Variants in PHACTR2 observed in about 807,000 individuals in gnomAD.
PHACTR2 encodes phosphatase and actin regulator 2.
A neutral mutation model predicts 76.0 loss-of-function variants in PHACTR2; 30 were observed. The ratio of observed to expected loss-of-function variants is 0.39; its 90% CI spans 0.30 to 0.54. The LOEUF is 0.54. Ranked by LOEUF, PHACTR2 falls within the 20% of genes least tolerant of loss-of-function variation. The probability of loss-of-function intolerance (pLI) is 0.61; values close to 1 mark genes in which losing one functional copy is unlikely to be tolerated. For missense variants in PHACTR2, 696 were observed against 781.1 expected, an observed-to-expected ratio of 0.89 and a Z score of 1.30; for synonymous variants, 292 against 292.5, an observed-to-expected ratio of 1.00 and a Z score of 0.02.
chr6:143,637,399 C>A (rs1776477637), intron 1 of PHACTR2, among the ~76,000 whole-genome samples: 1 of 152,102 alleles, frequency 6.6e-6, no homozygotes, highest in African/African-American at 2.4e-5. Flanking sequence ...GGAAACGTAA[C>A]AATGATATTT....
chr6:143,676,322 T>C (rs1777244005), upstream of PHACTR2, among the ~76,000 whole-genome samples: 1 of 152,226 alleles, frequency 6.6e-6, no homozygotes, highest in African/African-American at 2.4e-5. The surrounding 1 kb of genome is among the most constrained non-coding windows in gnomAD (Gnocchi z 4.8). Context: ...TAAGAATTTA[T>C]AGAAGTAATA....
chr6:143,599,269 C>T lies in PHACTR2; in HGVS notation c.217+62062C>T, dbSNP rs144864930. ...AACTACTAGATGGCAAGTGTACTTT[C>T]GTAGGAGAAAACTAAACTTTCATTA... is the stretch of plus-strand genomic sequence containing the variant. On this transcript the variant is annotated intron_variant, in intron 1 of 11. Transcript: ENST00000367584. The surrounding 1 kb of genome is among the most constrained non-coding windows in gnomAD (Gnocchi z 4.6). 4.5e-3 allele frequency among the ~76,000 whole-genome samples: 682 copies of T among 152,220 alleles called. 8 individuals are homozygous for T. Among genetic ancestry groups the T allele is most frequent in the African/African-American group, 0.016 (644 of 41,532 alleles).
At chr6:143,673,843 C>G (rs1777197436), upstream of PHACTR2, among the ~76,000 whole-genome samples, 1 of 151,730 alleles carries the variant, frequency 6.6e-6, no homozygotes, top group Non-Finnish European at 1.5e-5. Flanking sequence ...GAGGCAGAGG[C>G]AAGGTATTTT....
Position 143,563,360 on chromosome 6 carries a change from C to T in PHACTR2, c.217+26153C>T, listed in dbSNP as rs543636783. ...TGGGTGGATCACGAGGTCAGCAGAT[C>T]GAGACCATCCTTGCGAACATGGTGA... On this transcript the variant is annotated intron_variant, in intron 1 of 11. Coordinates refer to the PHACTR2 transcript ENST00000367584. 4.0e-5 allele frequency among the ~76,000 whole-genome samples: 6 copies of T among 150,754 alleles called. No homozygotes were observed. The East Asian group carries it at 9.8e-4, about 25-fold the overall frequency.
rs1331003605 is a variant in PHACTR2 at position 143,750,970 on chromosome 6, A to C, written c.295+1905A>C. 1.3e-5 allele frequency among the ~76,000 whole-genome samples: 2 copies of C among 152,170 alleles called. No individual in the cohort carries two copies. Among genetic ancestry groups the C allele is most frequent in the African/African-American group, 4.8e-5 (2 of 41,444 alleles). On this transcript the variant is annotated intron_variant, in intron 3 of 12. Transcript: ENST00000440869. This position sits in a 1 kb window ranked among gnomAD's most constrained non-coding sequence, Gnocchi z 4.6. ...AAGGTTCCTGAGGATGTCAGTAGTA[A>C]ATGGAGTCCTTCCCCTTTTCAGCTG...
At chr6:143,572,615 C>T (rs1038965456) in intron 1 of PHACTR2, among the ~76,000 whole-genome samples, 8 of 152,140 alleles carry the variant, frequency 5.3e-5, no homozygotes, top group Non-Finnish European at 7.3e-5. Flanking sequence ...TGCAGTGGCA[C>T]GATCTAGGCT....
At chr6:143,778,560 A>G (rs1254005943) in intron 9 of PHACTR2, among the ~76,000 whole-genome samples, 1 of 152,128 alleles carries the variant, frequency 6.6e-6, no homozygotes, top group African/African-American at 2.4e-5. Context: ...TGGAGGAGGA[A>G]AAATTCACGG....
In PHACTR2 at chr6:143,764,557, G is replaced by A; in HGVS notation, c.695-704G>A. ...AAAAAAGGAGCAACCCATGTAAATA[G>A]GTTTTGTAAACAACAAGTTTTTTTC... is the stretch of plus-strand genomic sequence containing the variant. On this transcript the variant is annotated intron_variant, in intron 5 of 12. Transcript: ENST00000440869. This position sits in a 1 kb window ranked among gnomAD's most constrained non-coding sequence, Gnocchi z 4.7. Among the ~76,000 whole-genome samples, 1 of 150,960 alleles carries A rather than the reference G, an allele frequency of 6.6e-6. No individual in the cohort carries two copies. Among genetic ancestry groups the A allele is most frequent in the Non-Finnish European group, 1.5e-5 (1 of 67,810 alleles).
Position 143,739,665 on chromosome 6 carries a change from G to A in PHACTR2, c.215-9320G>A, listed in dbSNP as rs977842589. 2.0e-5 allele frequency among the ~76,000 whole-genome samples: 3 copies of A among 152,144 alleles called. No homozygotes were observed. Among genetic ancestry groups the A allele is most frequent in the African/African-American group, 4.8e-5 (2 of 41,412 alleles). On this transcript the variant is annotated intron_variant, in intron 2 of 12. Coordinates refer to ENST00000440869, the MANE Select transcript of PHACTR2 (RefSeq NM_001100164.2). This position sits in a 1 kb window ranked among gnomAD's most constrained non-coding sequence, Gnocchi z 4.3. ...TGTTACACGTAGCACTCAAATCTTC[G>A]CTTCTAATTACTCTCCTGAGATTGC...
In PHACTR2 at chr6:143,684,716, G is replaced by C. The variant is rs1777475020; in HGVS notation, c.46+6507G>C. The stretch of plus-strand genomic sequence containing the variant: ...GAGAATTAGAAGTCACTTCCTCTGG[G>C]TGAGGCAGCTAGCTCCACAGCACAG... On this transcript the variant is annotated intron_variant, in intron 1 of 12. Transcript: ENST00000440869. The surrounding 1 kb of genome is among the most constrained non-coding windows in gnomAD (Gnocchi z 4.3). 6.6e-6 allele frequency among the ~76,000 whole-genome samples: 1 copy of C among 152,162 alleles called. No homozygotes were observed. The highest frequency in any genetic ancestry group is 1.5e-5 in the Non-Finnish European group (1 of 68,034).
At chr6:143,802,897 T>C (rs115737876) in intron 11 of PHACTR2, among the ~76,000 whole-genome samples, 1,734 of 152,300 alleles carry the variant, frequency 0.011, 33 homozygotes, top group African/African-American at 0.04. Flanking sequence ...TCTATTTCTT[T>C]AATTGCCTGT....
intron 1 of PHACTR2, among the ~76,000 whole-genome samples, chr6:143,634,440 A>G (rs1169692125): frequency 6.6e-6 from 1 of 152,182 alleles, no homozygotes; most frequent in African/African-American, 2.4e-5. Flanking sequence ...GTGCCATTGT[A>G]TATATTTGAA....
chr6:143,673,503 A>G (rs768964420), upstream of PHACTR2, among the ~76,000 whole-genome samples: 1 of 152,118 alleles, frequency 6.6e-6, no homozygotes, highest in Non-Finnish European at 1.5e-5. Context: ...GGAAGCAATT[A>G]TTTTGTGTAA....
upstream of PHACTR2, among the ~76,000 whole-genome samples, chr6:143,677,555 T>A (rs1362151014): frequency 2.6e-5 from 4 of 152,132 alleles, no homozygotes; most frequent in Non-Finnish European, 5.9e-5. Flanking sequence ...GTGCCGTTTT[T>A]AAAAAATTAT....
At chr6:143,588,274 A>G (rs9390120) in intron 1 of PHACTR2, among the ~76,000 whole-genome samples, 106,881 of 152,092 alleles carry the variant, frequency 0.7, 37,962 homozygotes, top group Middle Eastern at 0.8. Flanking sequence ...AAGTGTCTAC[A>G]AGTACTAAAC....
intron 4 of PHACTR2, among the ~76,000 whole-genome samples, chr6:143,759,461 C>G (rs1053175613): frequency 2.0e-5 from 3 of 151,950 alleles, no homozygotes; most frequent in Non-Finnish European, 2.9e-5. Flanking sequence ...CAAGACCAGC[C>G]TGGGCAATGT....
intron 1 of PHACTR2, among the ~76,000 whole-genome samples, chr6:143,538,582 G>A (rs1299349932): frequency 2.6e-5 from 4 of 152,200 alleles, no homozygotes; most frequent in African/African-American, 9.6e-5. Context: ...CACTGCCCTG[G>A]TTTTCAGGCT....
rs938758088 is a variant in PHACTR2 at position 143,583,291 on chromosome 6, A to G, written c.217+46084A>G. On this transcript the variant is annotated intron_variant, in intron 1 of 11. Transcript: ENST00000367584. The surrounding 1 kb of genome is among the most constrained non-coding windows in gnomAD (Gnocchi z 4.0). ...TGATTTAGTGAATGAAAGCACTTAT[A>G]CCATGTGAGAATGGGTTACAGAAAC... Among the ~76,000 whole-genome samples, 1 of 152,234 alleles carries G rather than the reference A, an allele frequency of 6.6e-6. No homozygotes were observed. Among genetic ancestry groups the G allele is most frequent in the Admixed American group, 6.5e-5 (1 of 15,288 alleles).
chr6:143,577,767 C>A lies in PHACTR2; in HGVS notation c.217+40560C>A, dbSNP rs191936378. ...GAGATTAACCTGGTAACCATATCGT[C>A]GATGGAAAAAAAAAAAGTGAGAGAG... On this transcript the variant is annotated intron_variant, in intron 1 of 11. Coordinates refer to the PHACTR2 transcript ENST00000367584. 1.0e-3 allele frequency among the ~76,000 whole-genome samples: 129 copies of A among 123,662 alleles called. No homozygotes were observed. The Middle Eastern group carries it at 0.012, about 12-fold the overall frequency. 81.1% of individuals were successfully genotyped at this position (123,662 alleles called of 152,430 possible).
Sources: gnomAD v4.1 joint callset for allele counts (sites outside exome capture counted in the v4.1 genomes callset) on GRCh38, gnomAD v4.1.1 for gene constraint, Gnocchi (gnomAD v3.1) non-coding constraint, MANE v1.5 for transcripts, NCBI Gene and HGNC (gene_info 2026-07-23, HGNC 2026-07-21) for gene names.